Variants in SLC16A7 observed in about 807,000 individuals in gnomAD.
SLC16A7 encodes solute carrier family 16 member 7, also known as monocarboxylate transporter 2.
In SLC16A7, 33 loss-of-function variants were observed where a neutral mutation model predicts 34.9. That is an observed-to-expected ratio of 0.94 (90% CI 0.72 to 1.26). SLC16A7 has a LOEUF of 1.26. Ranked by LOEUF, SLC16A7 falls within the 50% of genes most tolerant of loss-of-function variation. The pLI, the probability that SLC16A7 is intolerant of heterozygous loss-of-function variation, is 0.00. For synonymous variants in SLC16A7, 201 were observed against 206.6 expected, an observed-to-expected ratio of 0.97 and a Z score of 0.23; for missense variants, 573 against 578.1, an observed-to-expected ratio of 0.99 and a Z score of 0.09.
intron 3 of SLC16A7, among the ~76,000 whole-genome samples, chr12:59,765,532 G>C (rs1234288459): frequency 2.6e-5 from 4 of 152,152 alleles, no homozygotes; most frequent in African/African-American, 7.2e-5. Context: ...AAGGGATCCA[G>C]TTTCAGCTTT....
intron 2 of SLC16A7, among the ~76,000 whole-genome samples, chr12:59,686,095 C>CTTTTTT (rs572779305): frequency 1.4e-3 from 128 of 93,352 alleles, no homozygotes; most frequent in East Asian, 2.4e-3. Context: ...AAGAACTTTT[C>CTTTTTT]TTTTTTTTTT....
chr12:59,707,015 A>G (rs999647450), intron 3 of SLC16A7, among the ~76,000 whole-genome samples: 2 of 152,234 alleles, frequency 1.3e-5, no homozygotes, highest in East Asian at 3.9e-4. Flanking sequence ...TTCTGAAGCA[A>G]TGTTTCAAAA....
chr12:59,636,976 C>T (rs993699090), intron 1 of SLC16A7, among the ~76,000 whole-genome samples: 3 of 152,034 alleles, frequency 2.0e-5, no homozygotes, highest in African/African-American at 7.2e-5. Context: ...TACCTCTGAC[C>T]TTTCAGCTCA....
At chr12:59,681,089 A>G (rs923711465) in intron 2 of SLC16A7, among the ~76,000 whole-genome samples, 2 of 152,352 alleles carry the variant, frequency 1.3e-5, no homozygotes, top group Admixed American at 6.5e-5. Context: ...GCAGGCACCA[A>G]TGGAAAAAAT....
chr12:59,725,796 C>T (rs577477060), intron 3 of SLC16A7, among the ~76,000 whole-genome samples: 6 of 152,204 alleles, frequency 3.9e-5, no homozygotes, highest in Non-Finnish European at 8.8e-5. Context: ...TCTTAATCAC[C>T]GCTCATAAAT....
intron 3 of SLC16A7, among the ~76,000 whole-genome samples, chr12:59,707,803 T>C (rs1260588547): frequency 1.3e-5 from 2 of 152,128 alleles, no homozygotes; most frequent in Non-Finnish European, 2.9e-5. Flanking sequence ...TTGCCTAAAG[T>C]CCTCCATTAT....
chr12:59,760,155 T>C (rs1270230088), intron 3 of SLC16A7, among the ~76,000 whole-genome samples: 1 of 152,016 alleles, frequency 6.6e-6, no homozygotes, highest in African/African-American at 2.4e-5. Context: ...ACTTGAGACT[T>C]TTATGTAGAG....
In SLC16A7 at chr12:59,775,065, T is replaced by TATAA. The variant is rs767350138; in HGVS notation, c.770_771insATAA (p.Met257IlefsTer2). 1.9e-6 allele frequency: 3 copies of TATAA among 1,614,150 alleles called. No individual in the cohort carries two copies. Among genetic ancestry groups the TATAA allele is most frequent in the South Asian group, 2.2e-5 (2 of 91,088 alleles). ...ATATATCTGTCTGGAAATGTCATTA[T>TATAA]GTTCCTAGGTTTTTTTGCCCCCATT... On this transcript the variant is annotated stop_gained and frameshift_variant, in exon 5 of 6. Transcript: ENST00000547379. LOFTEE classifies it high-confidence loss of function.
intron 2 of SLC16A7, among the ~76,000 whole-genome samples, chr12:59,692,961 C>A (rs545609047): frequency 8.2e-4 from 124 of 151,964 alleles, no homozygotes; most frequent in Non-Finnish European, 1.5e-3. Flanking sequence ...TGAGTTGTCA[C>A]CTAAACTTAA....
chr12:59,755,118 G>A (rs1235904578), intron 3 of SLC16A7, among the ~76,000 whole-genome samples: 1 of 151,706 alleles, frequency 6.6e-6, no homozygotes, highest in Non-Finnish European at 1.5e-5. Flanking sequence ...CAAAATAAGA[G>A]CTATCTATGA....
At chr12:59,768,281 C>G (rs775834519) in intron 3 of SLC16A7, 1 of 448,634 alleles carries the variant, frequency 2.2e-6, no homozygotes, top group Non-Finnish European at 4.5e-6. Context: ...AAGTTTATTT[C>G]AATCCTCATG....
intron 1 of SLC16A7, among the ~76,000 whole-genome samples, chr12:59,619,931 G>A (rs1486132827): frequency 6.6e-6 from 1 of 151,914 alleles, no homozygotes; most frequent in African/African-American, 2.4e-5. Flanking sequence ...AACAATCCAA[G>A]GCACTGAGGC....
chr12:59,715,096 T>C (rs77215924), intron 3 of SLC16A7, among the ~76,000 whole-genome samples: 229 of 152,288 alleles, frequency 1.5e-3, no homozygotes, highest in African/African-American at 5.3e-3. Context: ...TAAGAGCAAA[T>C]GCATAATCCA....
chr12:59,606,310 G>A (rs1878935487), intron 1 of SLC16A7, among the ~76,000 whole-genome samples: 1 of 152,118 alleles, frequency 6.6e-6, no homozygotes, highest in Non-Finnish European at 1.5e-5. Flanking sequence ...AATACCAGTT[G>A]GGAATACAAC....
At chr12:59,754,664 A>G (rs1416916669) in intron 3 of SLC16A7, among the ~76,000 whole-genome samples, 2 of 152,204 alleles carry the variant, frequency 1.3e-5, no homozygotes, top group African/African-American at 2.4e-5. Context: ...TCACAGCCGA[A>G]TTCTACCAGA....
At chr12:59,612,238 A>G (rs142942029) in intron 1 of SLC16A7, among the ~76,000 whole-genome samples, 13 of 152,304 alleles carry the variant, frequency 8.5e-5, no homozygotes, top group African/African-American at 3.1e-4. Context: ...CCAAACTTCA[A>G]TTCTTGACTT....
intron 3 of SLC16A7, among the ~76,000 whole-genome samples, chr12:59,761,602 A>T (rs968504429): frequency 6.6e-6 from 1 of 152,146 alleles, no homozygotes; most frequent in African/African-American, 2.4e-5. Context: ...TATTTGTAGC[A>T]TAGATTGCTC....
At chr12:59,610,291 TAAAAG>T (rs1275647944) in intron 1 of SLC16A7, among the ~76,000 whole-genome samples, 5 of 152,180 alleles carry the variant, frequency 3.3e-5, no homozygotes, top group Non-Finnish European at 5.9e-5. Flanking sequence ...AAGGCAAACT[TAAAAG>T]AATGAGAAAA....
At chr12:59,726,611 T>C (rs1876270395) in intron 3 of SLC16A7, among the ~76,000 whole-genome samples, 1 of 152,132 alleles carries the variant, frequency 6.6e-6, no homozygotes, top group Non-Finnish European at 1.5e-5. Context: ...ATTGTGTTAG[T>C]TGTGAGCAAG....
Sources: allele counts gnomAD v4.1 joint callset (sites outside exome capture counted in the v4.1 genomes callset), GRCh38; gene constraint gnomAD v4.1.1; transcripts MANE v1.5; gene names NCBI Gene and HGNC (gene_info 2026-07-23, HGNC 2026-07-21).